QRICH1: variants seen among roughly 807,000 people sequenced by gnomAD.
QRICH1 encodes the protein transcriptional regulator QRICH1.
QRICH1 carries 16 observed loss-of-function variants against 87.1 expected under a neutral mutation model. The observed-to-expected ratio is 0.18, with a 90% CI of 0.12 to 0.28. The LOEUF (loss-of-function observed/expected upper bound fraction) is 0.28, where lower values mean the gene tolerates loss of function less well. Ranked by LOEUF, QRICH1 falls within the 10% of genes least tolerant of loss-of-function variation. The pLI is 1.00. For missense variants in QRICH1, 647 were observed against 951.7 expected (o/e 0.68, Z 4.21); for synonymous variants, 367 against 368.4 (o/e 1.00, Z 0.05).
intron 4 of QRICH1, 71 bp from the exon 5 acceptor site, chr3:49,046,650 G>T: frequency 6.6e-7 from 1 of 1,504,194 alleles, no homozygotes; most frequent in Non-Finnish European, 9.0e-7. Context: ...AACAGATACT[G>T]CCCATCAGGG....
At chr3:49,038,587 G>T (rs1379486125) in intron 6 of QRICH1, among the ~76,000 whole-genome samples, 1 of 151,644 alleles carries the variant, frequency 6.6e-6, no homozygotes, top group Non-Finnish European at 1.5e-5. Context: ...GCTAATTTTT[G>T]TAATTTTTTT....
chr3:49,032,031 G>T, intron 9 of QRICH1, 152 bp downstream of exon 9: 1 of 664,202 alleles, frequency 1.5e-6, no homozygotes, highest in Non-Finnish European at 2.6e-6. Flanking sequence ...CCAGAGCAAG[G>T]CTGCTTCTAA....
chr3:49,087,818 CA>C lies in QRICH1; in HGVS notation c.-22+6093del, dbSNP rs58022360. 2.3e-3 allele frequency among the ~76,000 whole-genome samples: 109 copies of C among 47,682 alleles called. 1 individual carries two copies. The highest frequency in any genetic ancestry group is 6.3e-3 in the African/African-American group (72 of 11,512). The allele number at this position is 47,682 out of a possible 152,430, so 31.3% of individuals were successfully genotyped here. A position where few individuals can be genotyped will look rare whatever the true frequency, so the allele number is the denominator to read the frequency against. ...GAACTCAGGAGGCGGAGGTTCATCT[CA>C]AAAAAAAAAAAAAAAAAAAAGAACA... On this transcript the variant is annotated intron_variant, in intron 1 of 9. Coordinates refer to ENST00000395443, the MANE Select transcript of QRICH1 (RefSeq NM_198880.3).
intron 9 of QRICH1, among the ~76,000 whole-genome samples, 191 bp downstream of exon 9, chr3:49,031,992 T>C (rs2093243538): frequency 6.6e-6 from 1 of 152,216 alleles, no homozygotes; most frequent in African/African-American, 2.4e-5. Flanking sequence ...TTTCTATCAG[T>C]GCTAGGCACA....
intron 6 of QRICH1, among the ~76,000 whole-genome samples, chr3:49,039,992 C>T (rs2093300723): frequency 6.7e-6 from 1 of 150,242 alleles, no homozygotes; most frequent in African/African-American, 2.4e-5. Context: ...ACCCCAGAGG[C>T]GGAGGTTGAA....
chr3:49,088,600 T>C (rs1029555107), intron 1 of QRICH1, among the ~76,000 whole-genome samples: 1 of 149,514 alleles, frequency 6.7e-6, no homozygotes, highest in African/African-American at 2.5e-5. Context: ...CCTGAGCCAC[T>C]GCACCAGGCT....
intron 1 of QRICH1, among the ~76,000 whole-genome samples, chr3:49,087,834 A>AAAAAAAAAAAC: frequency 6.7e-6 from 1 of 149,384 alleles, no homozygotes; most frequent in Non-Finnish European, 1.5e-5. Context: ...AAAAAAAAAA[A>AAAAAAAAAAAC]AAAAAGAACA....
intron 3 of QRICH1, among the ~76,000 whole-genome samples, chr3:49,055,924 C>T (rs2093399481): frequency 1.3e-5 from 2 of 152,164 alleles, no homozygotes; most frequent in Admixed American, 1.3e-4. Context: ...GGTGACTCAC[C>T]CGCCTTGGCC....
At chr3:49,078,588 G>C (rs911812954) in intron 1 of QRICH1, among the ~76,000 whole-genome samples, 2 of 148,948 alleles carry the variant, frequency 1.3e-5, no homozygotes, top group African/African-American at 5.0e-5. Flanking sequence ...GTAGAGACGA[G>C]GTTTCCCCAT....
intron 4 of QRICH1, among the ~76,000 whole-genome samples, chr3:49,046,827 G>C (rs530875270): frequency 6.6e-6 from 1 of 152,146 alleles, no homozygotes; most frequent in Non-Finnish European, 1.5e-5. Context: ...AGGTCTGGTA[G>C]GGTCAACTCC....
Position 49,030,547 on chromosome 3 carries a change from T to C in QRICH1, c.2236A>G (p.Ser746Gly). Residue 746 changes from serine (S) to glycine (G), a missense_variant, in exon 10 of 10, where the codon AGC becomes GGC. Ser to Gly is a moderately conservative substitution (Grantham distance 56). This residue lies in a region of QRICH1 where 56 missense variants were observed against 79.4 expected (regional missense o/e 0.71). Transcript: ENST00000395443. ...SPIWYSVQPI[S>G]REQMGQMLTR... ...AGCATTTGTCCCATCTGCTCTCTGC[T>C]GATAGGCTGGACTGAGTACCAGATT... 1 of 1,614,026 alleles carries C rather than the reference T, an allele frequency of 6.2e-7. No individual in the cohort carries two copies. Among genetic ancestry groups the C allele is most frequent in the Admixed American group, 1.7e-5 (1 of 60,016 alleles).
At chr3:49,084,851 T>C (rs1488032498) in intron 1 of QRICH1, among the ~76,000 whole-genome samples, 1 of 152,168 alleles carries the variant, frequency 6.6e-6, no homozygotes, top group East Asian at 1.9e-4. Flanking sequence ...AACACTCTTC[T>C]GAATTTTCCA....
intron 3 of QRICH1, among the ~76,000 whole-genome samples, chr3:49,052,533 T>A (rs2093377024): frequency 6.6e-6 from 1 of 152,072 alleles, no homozygotes; most frequent in African/African-American, 2.4e-5. Context: ...TGAGATGGAG[T>A]TTCGCTCTGT....
chr3:49,079,462 TATA>T (rs1215358216), intron 1 of QRICH1, among the ~76,000 whole-genome samples: 1 of 147,996 alleles, frequency 6.8e-6, no homozygotes. Context: ...GTAATATAAA[TATA>T]ATTTTTACAT....
At chr3:49,044,738 C>A (rs1422248650) in intron 5 of QRICH1, among the ~76,000 whole-genome samples, 2 of 151,974 alleles carry the variant, frequency 1.3e-5, no homozygotes, top group East Asian at 1.9e-4. Context: ...CTATTTCACC[C>A]AAGAAAGGCA....
At chr3:49,046,990 T>C (rs2093342657) in intron 4 of QRICH1, 79 bp downstream of exon 4, 1 of 1,504,220 alleles carries the variant, frequency 6.6e-7, no homozygotes, top group African/African-American at 1.4e-5. Flanking sequence ...GAGACACCAC[T>C]TTTCTGGCAT....
chr3:49,092,694 C>G (rs753561752), intron 1 of QRICH1, among the ~76,000 whole-genome samples: 1 of 149,940 alleles, frequency 6.7e-6, no homozygotes, highest in Non-Finnish European at 1.5e-5. Flanking sequence ...TTCTCTAGAA[C>G]AAACCTAGAA....
At chr3:49,030,783 CCACA>C in intron 9 of QRICH1, 139 bp from the exon 10 acceptor site, 1 of 732,920 alleles carries the variant, frequency 1.4e-6, no homozygotes, top group South Asian at 2.0e-5. Context: ...CATGCAGCCA[CCACA>C]CACTACATCC....
At position 49,057,524 on chromosome 3, in the gene QRICH1, G is replaced by C. The variant is rs1384589909; in HGVS notation, c.676C>G (p.Gln226Glu). The C allele has an allele frequency of 6.2e-7, 1 of 1,613,508 alleles. No homozygotes were observed. Among genetic ancestry groups the C allele is most frequent in the Non-Finnish European group, 8.5e-7 (1 of 1,179,604 alleles). ...CGCTCCCCTTCCCGGGGTGAGCCCTGCTGGGATGGTGGTGGGGAAAGGGCA... is the reference window on the plus strand; with the variant it reads ...CGCTCCCCTTCCCGGGGTGAGCCCTCCTGGGATGGTGGTGGGGAAAGGGCA... Reference protein sequence around the residue: ...VGALSPPPSQQGSPREGERRV... With the variant: ...VGALSPPPSQEGSPREGERRV... The change falls in exon 3 of 10, where the codon CAG becomes GAG. Residue 226 changes from glutamine (Q) to glutamate (E), a missense_variant. Gln to Glu is a conservative substitution (Grantham distance 29). Coordinates refer to ENST00000395443, the MANE Select transcript of QRICH1 (RefSeq NM_198880.3). This position sits in a 1 kb window ranked among gnomAD's most constrained non-coding sequence, Gnocchi z 5.4.
Sources: gnomAD v4.1 joint callset for allele counts (sites outside exome capture counted in the v4.1 genomes callset) on GRCh38, gnomAD v4.1.1 for gene constraint, gnomAD v4.1.1 regional missense constraint, Gnocchi (gnomAD v3.1) non-coding constraint, MANE v1.5 for transcripts, NCBI Gene and HGNC (gene_info 2026-07-23, HGNC 2026-07-21) for gene names.